Variants in IGHMBP2 observed in about 807,000 individuals in gnomAD.
The protein encoded by IGHMBP2 is immunoglobulin mu DNA binding protein 2, also known as DNA-binding protein SMUBP-2.
Under a neutral mutation model 96.0 loss-of-function variants are expected in IGHMBP2, and 81 were observed. That is an observed-to-expected ratio of 0.84 (90% CI 0.71 to 1.01). The LOEUF is 1.01. Ranked by LOEUF, IGHMBP2 falls within the 50% of genes least tolerant of loss-of-function variation. The pLI, the probability that IGHMBP2 is intolerant of heterozygous loss-of-function variation, is 0.00. For missense variants in IGHMBP2, 1,227 were observed against 1,306.3 expected, an observed-to-expected ratio of 0.94 and a Z score of 0.94; for synonymous variants, 557 against 548.9, an observed-to-expected ratio of 1.01 and a Z score of -0.21.
In IGHMBP2 at chr11:68,917,862, G is replaced by C. The variant is rs1432881007; in HGVS notation, c.1039G>C (p.Val347Leu). 6.2e-7 allele frequency: 1 copy of C among 1,614,112 alleles called. No homozygotes were observed. Among genetic ancestry groups the C allele is most frequent in the South Asian group, 1.1e-5 (1 of 91,082 alleles). The change falls in exon 7 of 15, where the codon GTG becomes CTG. Residue 347 changes from valine to leucine, a missense_variant. By Grantham distance (32) the Val-to-Leu change is conservative. This residue lies in a region of IGHMBP2 where 507 missense variants were observed against 496.9 expected (regional missense o/e 1.02). Transcript: ENST00000255078. ...GCTCGAGAGCCTCACTTCGGCAAAC[G>C]TGGTCCTTGCAACAAACACAGGTGA... ...AMLESLTSAN[V>L]VLATNTGASA...
At chr11:68,935,459 C>A in intron 12 of IGHMBP2, 37 bp downstream of exon 12, 1 of 1,612,864 alleles carries the variant, frequency 6.2e-7, no homozygotes, top group Non-Finnish European at 8.5e-7. Flanking sequence ...GGGGACAGCA[C>A]AGAAGTGAAT....
In IGHMBP2 at chr11:68,937,053, A is replaced by C. The variant is rs571303275; in HGVS notation, c.2573A>C (p.Gln858Pro). 6.2e-7 allele frequency: 1 copy of C among 1,604,814 alleles called. No individual in the cohort carries two copies. The highest frequency in any genetic ancestry group is 1.7e-5 in the Admixed American group (1 of 59,998). ...PASKEQQASG[Q>P]QKLPEKKKKK... Reference sequence around the variant, plus strand: ...AGCAAGGAGCAGCAGGCCTCAGGGCAGCAGAAACTTCCAGAAAAGAAAAAG... The same window carrying C: ...AGCAAGGAGCAGCAGGCCTCAGGGCCGCAGAAACTTCCAGAAAAGAAAAAG... Residue 858 changes from glutamine (Q) to proline (P), a missense_variant, in exon 13 of 15, where the codon CAG becomes CCG. Around this residue, in one of 3 missense-constraint regions of IGHMBP2, gnomAD observed 703 missense variants for 770.3 expected, o/e 0.91. Coordinates refer to ENST00000255078, the MANE Select transcript of IGHMBP2 (RefSeq NM_002180.3).
chr11:68,913,069 C>CAAAAAAAAAAA (rs1858506656), intron 5 of IGHMBP2, among the ~76,000 whole-genome samples: 27 of 80,628 alleles, frequency 3.3e-4, no homozygotes, highest in African/African-American at 9.1e-4. Context: ...AAAAAAAAAA[C>CAAAAAAAAAAA]CAAAAAAACC....
chr11:68,904,803 C>CTTTTCTTTTTTTTT (rs892709461), intron 1 of IGHMBP2, among the ~76,000 whole-genome samples: 22,497 of 119,918 alleles, frequency 0.19, 3,673 homozygotes, highest in South Asian at 0.41. Context: ...TTTTCTTTTT[C>CTTTTCTTTTTTTTT]TTTTTTTTTT....
Position 68,914,978 on chromosome 11 carries a change from T to C in IGHMBP2, c.867T>C (p.Ser289=). The change falls in exon 6 of 15, where the codon AGT becomes AGC. Residue 289 remains serine (S), a synonymous_variant. Coordinates refer to ENST00000255078, the MANE Select transcript of IGHMBP2 (RefSeq NM_002180.3). ...ATGCGGTTTTAGCGCGGAGCGACAG[T>C]GCCCAGATTGTTGCAGATATCAGGA... ...SLDAVLARSD[S]AQIVADIRKD... 1.2e-6 allele frequency: 2 copies of C among 1,614,124 alleles called. No homozygotes were observed. The highest frequency in any genetic ancestry group is 2.2e-5 in the East Asian group (1 of 44,862).
rs150937080 is a variant in IGHMBP2 at position 68,908,227 on chromosome 11, G to A, written c.339G>A (p.Ser113=). 49 of 1,614,054 alleles carry A rather than the reference G, an allele frequency of 3.0e-5. No individual in the cohort carries two copies. In the South Asian group the frequency reaches 3.1e-4, roughly 10 times the overall value. The part of the protein sequence containing the change: ...TGILTRVTQK[S]VTVAFDESHD... ...TCTTGACCCGGGTCACCCAGAAGTC[G>A]GTCACGGTGGCCTTTGATGAGTCCC... The change falls in exon 3 of 15, where the codon TCG becomes TCA. Residue 113 remains serine, a synonymous_variant. Coordinates refer to ENST00000255078, the MANE Select transcript of IGHMBP2 (RefSeq NM_002180.3).
intron 13 of IGHMBP2, among the ~76,000 whole-genome samples, chr11:68,937,561 A>G (rs536832142): frequency 6.6e-6 from 1 of 152,262 alleles, no homozygotes; most frequent in South Asian, 2.1e-4. Flanking sequence ...CCCTTGGGCC[A>G]TGTGGAGTCC....
rs10896380 is a variant in IGHMBP2, at chr11:68,914,934, A to G, written c.823A>G (p.Ile275Val). Residue 275 changes from isoleucine to valine, a missense_variant, in exon 6 of 15, where the codon ATT (isoleucine) becomes GTT (valine). Transcript: ENST00000255078. ...ACACCCTGCCCGCCTCCTGGAGTCC[A>G]TTCAGCAGCACTCCCTGGATGCGGT... The part of the protein sequence containing the change: ...LGHPARLLES[I>V]QQHSLDAVLA... 352,342 of 1,613,918 alleles carry G rather than the reference A, an allele frequency of 0.22. 41,567 individuals carry two copies. The highest frequency in any genetic ancestry group is 0.25 in the Non-Finnish European group (292,959 of 1,179,864).
At chr11:68,910,693 C>T (rs748770939) in intron 4 of IGHMBP2, among the ~76,000 whole-genome samples, 6 of 152,088 alleles carry the variant, frequency 3.9e-5, no homozygotes, top group Non-Finnish European at 8.8e-5. Context: ...ACCATCCTGG[C>T]CAACACGGTG....
chr11:68,915,119 C>T, intron 6 of IGHMBP2, 96 bp downstream of exon 6: 2 of 816,358 alleles, frequency 2.4e-6, no homozygotes, highest in Non-Finnish European at 3.9e-6. Flanking sequence ...TCTTGACCTT[C>T]TCTTGCTTCT....
intron 8 of IGHMBP2, chr11:68,932,888 C>G (rs1426301183): frequency 8.7e-6 from 2 of 230,408 alleles, no homozygotes; most frequent in East Asian, 2.1e-4. Flanking sequence ...CTCCTAGAGG[C>G]CACTGCTTGA....
intron 7 of IGHMBP2, among the ~76,000 whole-genome samples, chr11:68,922,964 AT>A (rs1255759537): frequency 6.6e-6 from 1 of 152,006 alleles, no homozygotes; most frequent in East Asian, 1.9e-4. Flanking sequence ...TTCTTATTTA[AT>A]TTTTTTAACA....
rs141873613 is a variant in IGHMBP2, at chr11:68,939,621, A to G, written c.2872A>G (p.Asn958Asp). 507 of 1,613,430 alleles carry G rather than the reference A, an allele frequency of 3.1e-4. 1 individual carries two copies. The highest frequency in any genetic ancestry group is 5.8e-5 in the Non-Finnish European group (68 of 1,180,006). The change falls in exon 15 of 15, where the codon AAC becomes GAC. Residue 958 changes from asparagine (N) to aspartate (D), a missense_variant. Physicochemically the swap from Asn to Asp is conservative, Grantham distance 23. This residue lies in a region of IGHMBP2 where 703 missense variants were observed against 770.3 expected (regional missense o/e 0.91). Coordinates refer to ENST00000255078, the MANE Select transcript of IGHMBP2 (RefSeq NM_002180.3). ...GVLYAGSGTK[N>D]GSLDPAKRAQ... is the part of the protein sequence containing the mutation. ...CCTCTATGCCGGCAGCGGGACCAAG[A>G]ACGGATCCCTGGACCCAGCCAAGAG...
chr11:68,915,004 A>G lies in IGHMBP2; in HGVS notation c.893A>G (p.Lys298Arg), dbSNP rs763867470. 6.2e-7 allele frequency: 1 copy of G among 1,614,120 alleles called. No homozygotes were observed. The highest frequency in any genetic ancestry group is 8.5e-7 in the Non-Finnish European group (1 of 1,180,010). The change falls in exon 6 of 15, where the codon AAG becomes AGG. Residue 298 changes from lysine (K) to arginine (R), a missense_variant. By Grantham distance (26) the Lys-to-Arg change is conservative. Coordinates refer to ENST00000255078, the MANE Select transcript of IGHMBP2 (RefSeq NM_002180.3). ...GCCCAGATTGTTGCAGATATCAGGA[A>G]GGACATCGACCAGGTCTTTGTAGGT... ...DSAQIVADIR[K>R]DIDQVFVKNK...
At chr11:68,936,118 G>C in intron 12 of IGHMBP2, 119 bp from the exon 13 acceptor site, 1 of 1,188,752 alleles carries the variant, frequency 8.4e-7, no homozygotes, top group Non-Finnish European at 1.2e-6. Context: ...CACCCGTGTG[G>C]ATGGTGGGCC....
intron 6 of IGHMBP2, among the ~76,000 whole-genome samples, chr11:68,916,429 G>C (rs1031416845): frequency 6.6e-6 from 1 of 152,106 alleles, no homozygotes. Flanking sequence ...TGAGCTCTTT[G>C]GTTCTCCCGT....
intron 8 of IGHMBP2, chr11:68,929,678 G>T: frequency 2.1e-6 from 2 of 940,712 alleles, no homozygotes; most frequent in South Asian, 9.8e-5. Flanking sequence ...ATGGTAGAGT[G>T]CCGTGAGAGC....
At chr11:68,927,374 C>T (rs1338708867) in intron 7 of IGHMBP2, among the ~76,000 whole-genome samples, 1 of 152,246 alleles carries the variant, frequency 6.6e-6, no homozygotes, top group African/African-American at 2.4e-5. Flanking sequence ...CATAAATGCC[C>T]CAGTCTTTGC....
At chr11:68,932,924 A>T in intron 8 of IGHMBP2, 1 of 308,880 alleles carries the variant, frequency 3.2e-6, no homozygotes, top group East Asian at 7.2e-5. Context: ...TCTGTCTATG[A>T]AGCCAGCCGT....
Sources: allele counts gnomAD v4.1 joint callset (sites outside exome capture counted in the v4.1 genomes callset), GRCh38; gene constraint gnomAD v4.1.1; regional missense constraint gnomAD v4.1.1; transcripts MANE v1.5; gene names NCBI Gene and HGNC (gene_info 2026-07-23, HGNC 2026-07-21).